ZFAT: variants seen among roughly 807,000 people sequenced by gnomAD.
ZFAT encodes the protein zinc finger protein ZFAT.
A neutral mutation model predicts 117.7 loss-of-function variants in ZFAT; 64 were observed. The ratio of observed to expected loss-of-function variants is 0.54; its 90% CI spans 0.44 to 0.67. The LOEUF is 0.67. Among genes scored for constraint, ZFAT ranks in the 30% least tolerant of loss-of-function variants. ZFAT has a pLI of 0.00. For missense variants in ZFAT, 1,433 were observed against 1,584.5 expected (o/e 0.90, Z 1.62); for synonymous variants, 679 against 615.0 (o/e 1.10, Z -1.54).
intron 7 of ZFAT, among the ~76,000 whole-genome samples, chr8:134,590,917 A>C (rs1262837066): frequency 6.6e-6 from 1 of 152,164 alleles, no homozygotes; most frequent in Admixed American, 6.5e-5. Flanking sequence ...ACATCCTTCC[A>C]AGCACATACA....
At chr8:134,555,800 C>A (rs747032643) in intron 11 of ZFAT, among the ~76,000 whole-genome samples, 1 of 146,902 alleles carries the variant, frequency 6.8e-6, no homozygotes, top group Non-Finnish European at 1.5e-5. Flanking sequence ...AGAACAAATA[C>A]GTTAAAAGCT....
At chr8:134,698,047 G>T (rs1350616597) in intron 1 of ZFAT, among the ~76,000 whole-genome samples, 1 of 151,528 alleles carries the variant, frequency 6.6e-6, no homozygotes, top group African/African-American at 2.4e-5. Flanking sequence ...CTGGGGCCAG[G>T]TGCGGTGGCT....
chr8:134,572,145 T>C (rs1243366809), intron 10 of ZFAT, among the ~76,000 whole-genome samples: 1 of 152,254 alleles, frequency 6.6e-6, no homozygotes, highest in African/African-American at 2.4e-5. Context: ...TTGTTATTAA[T>C]GAACTGTACA....
In ZFAT at chr8:134,529,224, G is replaced by A. The variant is rs1227154345; in HGVS notation, c.3115+3610C>T. ...GGGAGGGCTTGGAAGCCACTGGAAA[G>A]CCCACTAAACCCCATCCTCACCCTG... On this transcript the variant is annotated intron_variant, in intron 12 of 15. Transcript: ENST00000377838. Among the ~76,000 whole-genome samples the A allele has an allele frequency of 4.6e-5, 7 of 152,288 alleles. No homozygotes were observed. In the East Asian group the frequency reaches 1.2e-3, roughly 25 times the overall value.
At chr8:134,755,014 CT>C in the ZFAT span, among the ~76,000 whole-genome samples, 1 of 152,124 alleles carries the variant, frequency 6.6e-6, no homozygotes, top group East Asian at 1.9e-4. Context: ...CCAGCCTTAC[CT>C]TTTTGGTTGT....
chr8:134,764,611 A>G, the ZFAT span, among the ~76,000 whole-genome samples: 20 of 152,344 alleles, frequency 1.3e-4, 3 homozygotes, highest in Admixed American at 1.1e-3. Flanking sequence ...TCACTGATAT[A>G]ATAAATCACT....
At chr8:134,761,161 T>C in the ZFAT span, among the ~76,000 whole-genome samples, 1 of 152,184 alleles carries the variant, frequency 6.6e-6, no homozygotes, top group African/African-American at 2.4e-5. Context: ...ATCATTGTAC[T>C]TTATCCTTTC....
chr8:134,805,859 T>C, the ZFAT span, among the ~76,000 whole-genome samples: 3 of 152,014 alleles, frequency 2.0e-5, no homozygotes, highest in Non-Finnish European at 4.4e-5. Context: ...GTGCATGCGG[T>C]CCCAGCTATT....
At chr8:134,600,039 C>T in intron 7 of ZFAT, 1 of 363,238 alleles carries the variant, frequency 2.8e-6, no homozygotes, top group Non-Finnish European at 5.3e-6. Context: ...ATACTGTTCT[C>T]ATCACTGTAC....
intron 11 of ZFAT, among the ~76,000 whole-genome samples, chr8:134,541,059 C>G (rs146036902): frequency 1.2e-3 from 182 of 152,318 alleles, no homozygotes; most frequent in African/African-American, 3.7e-3. Context: ...CTGGCCAGGA[C>G]AGCAGGCTCT....
At chr8:134,630,672 A>G (rs909673169) in intron 3 of ZFAT, among the ~76,000 whole-genome samples, 1 of 152,192 alleles carries the variant, frequency 6.6e-6, no homozygotes, top group African/African-American at 2.4e-5. Flanking sequence ...GTAGGCTGCA[A>G]AACATTTTCA....
chr8:134,756,666 C>T, the ZFAT span, among the ~76,000 whole-genome samples: 1 of 152,218 alleles, frequency 6.6e-6, no homozygotes, highest in Non-Finnish European at 1.5e-5. Flanking sequence ...CAGGGGCTGC[C>T]CCACCTACAG....
the ZFAT span, among the ~76,000 whole-genome samples, chr8:134,831,674 C>A: frequency 1.3e-5 from 2 of 151,760 alleles, no homozygotes; most frequent in Non-Finnish European, 2.9e-5. Context: ...CCGGTCCCCC[C>A]ACTTCACGAG....
intron 15 of ZFAT, among the ~76,000 whole-genome samples, chr8:134,500,731 G>A (rs1292796489): frequency 6.6e-6 from 1 of 152,164 alleles, no homozygotes; most frequent in Non-Finnish European, 1.5e-5. Flanking sequence ...GGAGAACTAG[G>A]AAAGGCCTAC....
the ZFAT span, among the ~76,000 whole-genome samples, chr8:134,741,944 C>T: frequency 6.6e-6 from 1 of 152,030 alleles, no homozygotes; most frequent in Non-Finnish European, 1.5e-5. Context: ...CAGAGTTCCC[C>T]TCCTCAACAC....
At chr8:134,820,835 C>T in the ZFAT span, among the ~76,000 whole-genome samples, 1 of 152,122 alleles carries the variant, frequency 6.6e-6, no homozygotes, top group South Asian at 2.1e-4. Flanking sequence ...ATGAAAAGTG[C>T]CTAGTAATTG....
At chr8:134,651,987 C>G (rs1188305420) in intron 2 of ZFAT, among the ~76,000 whole-genome samples, 1 of 151,346 alleles carries the variant, frequency 6.6e-6, no homozygotes, top group Non-Finnish European at 1.5e-5. Flanking sequence ...AAAAAGCCAA[C>G]CTACAATCCT....
At position 134,657,731 on chromosome 8, in the gene ZFAT, G is replaced by C; in HGVS notation, c.26C>G (p.Thr9Arg). 6.2e-7 allele frequency: 1 copy of C among 1,605,510 alleles called. No individual in the cohort carries two copies. Among genetic ancestry groups the C allele is most frequent in the South Asian group, 1.1e-5 (1 of 88,838 alleles). The change falls in exon 2 of 16, where the codon ACG becomes AGG. Residue 9 changes from threonine to arginine, a missense_variant. Transcript: ENST00000377838. ...ACAACATTTACACATAAAGATGGCCGTGTTTTCTGTAAGGAAAAAAAAGGA... is the reference window on the plus strand; with the variant it reads ...ACAACATTTACACATAAAGATGGCCCTGTTTTCTGTAAGGAAAAAAAAGGA... METRAAENTAIFMCKCCNL... is the reference protein window; with the variant it reads METRAAENRAIFMCKCCNL...
intron 15 of ZFAT, among the ~76,000 whole-genome samples, chr8:134,490,066 G>A (rs369201776): frequency 2.3e-4 from 35 of 152,242 alleles, no homozygotes; most frequent in African/African-American, 7.2e-4. Context: ...GGGCTACCCC[G>A]GCCAGGCCAC....
Sources: allele counts gnomAD v4.1 joint callset (sites outside exome capture counted in the v4.1 genomes callset), GRCh38; gene constraint gnomAD v4.1.1; transcripts MANE v1.5; gene names NCBI Gene and HGNC (gene_info 2026-07-23, HGNC 2026-07-21).